BRD3: variants seen among roughly 807,000 people sequenced by gnomAD.
BRD3 encodes the protein bromodomain containing 3.
BRD3 carries 17 observed loss-of-function variants against 66.8 expected under a neutral mutation model. That is an observed-to-expected ratio of 0.25 (90% CI 0.17 to 0.38). The LOEUF is 0.38. Ranked by LOEUF, BRD3 falls within the 10% of genes least tolerant of loss-of-function variation. The pLI is 1.00. For missense variants in BRD3, 713 were observed against 956.1 expected, an observed-to-expected ratio of 0.75 and a Z score of 3.35; for synonymous variants, 421 against 393.2, an observed-to-expected ratio of 1.07 and a Z score of -0.84.
chr9:134,043,595 G>A (rs924194283), intron 7 of BRD3, among the ~76,000 whole-genome samples: 2 of 152,206 alleles, frequency 1.3e-5, no homozygotes, highest in Admixed American at 6.5e-5. Flanking sequence ...GCCCCCGCTC[G>A]GCCGACAGCC....
rs993609707 is a variant in BRD3 at position 134,051,488 on chromosome 9, A to C, written c.499+74T>G. The C allele has an allele frequency of 4.3e-6, 6 of 1,403,644 alleles. No homozygotes were observed. The African/African-American group carries it at 9.0e-5, about 21-fold the overall frequency. 86.9% of individuals were successfully genotyped at this position (1,403,644 alleles called of 1,614,324 possible). A position where few individuals can be genotyped will look rare whatever the true frequency, so the allele number is the denominator to read the frequency against. On this transcript the variant is annotated intron_variant, in intron 4 of 11. Transcript: ENST00000303407. ...GGGAAACAGCTCAGATGGCTAAAGG[A>C]TCGCGTCCCAGCCCATCCACCCGTG...
At chr9:134,067,632 T>G (rs1830695475) in intron 1 of BRD3, among the ~76,000 whole-genome samples, 1 of 144,690 alleles carries the variant, frequency 6.9e-6, no homozygotes, top group African/African-American at 2.5e-5. Context: ...AACTCCGGGC[T>G]GCGCGCCCCG....
chr9:134,051,878 T>TGTGTGTG lies in BRD3; in HGVS notation c.352-170_352-169insCACACAC, dbSNP rs372701647. 4.4e-3 allele frequency among the ~76,000 whole-genome samples: 516 copies of TGTGTGTG among 116,270 alleles called. 16 individuals are homozygous for TGTGTGTG. The highest frequency in any genetic ancestry group is 0.018 in the African/African-American group (474 of 26,832). The allele number at this position is 116,270 out of a possible 152,430, so 76.3% of individuals were successfully genotyped here. ...GTGTGTGTGTGTGTGTGTGTGTGTG[T>TGTGTGTG]TGTTTTTTTTGTTTTTTTTTTTTTT... On this transcript the variant is annotated intron_variant, in intron 3 of 11. Coordinates refer to ENST00000303407, the MANE Select transcript of BRD3 (RefSeq NM_007371.4).
At chr9:134,039,493 C>T (rs1829993993) in intron 9 of BRD3, among the ~76,000 whole-genome samples, 1 of 152,198 alleles carries the variant, frequency 6.6e-6, no homozygotes, top group Middle Eastern at 3.2e-3. Context: ...ACAGCTGTTG[C>T]CTCCCCCTTG....
chr9:134,048,007 G>A (rs1483611163), intron 6 of BRD3, 76 bp downstream of exon 6: 15 of 1,450,282 alleles, frequency 1.0e-5, no homozygotes, highest in Middle Eastern at 2.6e-4. Context: ...CCCCCACTCA[G>A]CCGGCACAAG....
rs1564550588 is a variant in BRD3, at chr9:134,042,700, CACATATATATACACAT to C, written c.1216-765_1216-750del. On this transcript the variant is annotated intron_variant, in intron 7 of 11. Coordinates refer to ENST00000303407, the MANE Select transcript of BRD3 (RefSeq NM_007371.4). ...ATATACACACACACACATATACACA[CACATATATATACACAT>C]ATATACACATATATATACACACATA... Among the ~76,000 whole-genome samples the C allele has an allele frequency of 3.4e-5, 3 of 87,340 alleles. No individual in the cohort carries two copies. The Admixed American group carries it at 3.8e-4, about 11-fold the overall frequency. The allele number at this position is 87,340 out of a possible 152,430, so 57.3% of individuals were successfully genotyped here.
chr9:134,051,469 C>G (rs1830293756), intron 4 of BRD3, 93 bp downstream of exon 4: 1 of 1,325,582 alleles, frequency 7.5e-7, no homozygotes, highest in Admixed American at 3.1e-5. Context: ...AGATGGGAAA[C>G]AGCTCAGATG....
chr9:134,032,910 G>A lies in BRD3; in HGVS notation c.*680C>T, dbSNP rs966894694. On this transcript the variant is annotated 3_prime_UTR_variant, in exon 12 of 12. Coordinates refer to ENST00000303407, the MANE Select transcript of BRD3 (RefSeq NM_007371.4). ...GTTGAGGTAAAAGCTTCAGTGTATG[G>A]AAACCTGCAGGCTGCATACACAGCC... is the stretch of plus-strand genomic sequence containing the variant. 5.5e-6 allele frequency: 2 copies of A among 362,330 alleles called. No individual in the cohort carries two copies. The highest frequency in any genetic ancestry group is 9.7e-6 in the Non-Finnish European group (2 of 205,150). 22.4% of individuals were successfully genotyped at this position (362,330 alleles called of 1,614,324 possible). A position where few individuals can be genotyped will look rare whatever the true frequency, so the allele number is the denominator to read the frequency against.
chr9:134,055,555 G>A (rs942915162), intron 1 of BRD3, among the ~76,000 whole-genome samples: 1 of 152,350 alleles, frequency 6.6e-6, no homozygotes, highest in South Asian at 2.1e-4. Flanking sequence ...TGAGGGTGGA[G>A]GAGTCAGGCA....
intron 2 of BRD3, among the ~76,000 whole-genome samples, chr9:134,052,936 C>T (rs373718818): frequency 1.3e-5 from 2 of 152,246 alleles, no homozygotes; most frequent in African/African-American, 4.8e-5. Flanking sequence ...ACCAAGCTGG[C>T]AGATGGGCCA....
intron 9 of BRD3, among the ~76,000 whole-genome samples, chr9:134,038,213 G>A (rs764877213): frequency 2.6e-5 from 4 of 152,112 alleles, no homozygotes; most frequent in African/African-American, 7.2e-5. Context: ...GGAGTGCAGT[G>A]GTGTGATCTC....
rs1055592470 is a variant in BRD3, at chr9:134,032,653, TTTC to T, written c.*934_*936del. ...TGTGAATGCATTTCTTCTGCGGTTT[TTTC>T]TTATTTTCTTTTTTTTAAAAATGAC... On this transcript the variant is annotated 3_prime_UTR_variant, in exon 12 of 12. Coordinates refer to ENST00000303407, the MANE Select transcript of BRD3 (RefSeq NM_007371.4). 5.2e-4 allele frequency: 118 copies of T among 226,526 alleles called. No individual in the cohort carries two copies. Among genetic ancestry groups the T allele is most frequent in the Non-Finnish European group, 7.9e-4 (90 of 114,054 alleles). 14.0% of individuals were successfully genotyped at this position (226,526 alleles called of 1,614,324 possible).
At position 134,032,009 on chromosome 9, in the gene BRD3, T is replaced by A; in HGVS notation, c.*1581A>T. The A allele has an allele frequency of 4.6e-6, 1 of 216,402 alleles. No individual in the cohort carries two copies. The allele number at this position is 216,402 out of a possible 1,614,324, so 13.4% of individuals were successfully genotyped here. A position where few individuals can be genotyped will look rare whatever the true frequency, so the allele number is the denominator to read the frequency against. On this transcript the variant is annotated 3_prime_UTR_variant, in exon 12 of 12. Transcript: ENST00000303407. ...CCACCCCTGGGGAGGGCAGACAGGC[T>A]CGGGAGGGCCTGGCCAGGCCACTGG...
intron 7 of BRD3, among the ~76,000 whole-genome samples, chr9:134,044,187 G>A (rs460154): frequency 0.32 from 49,236 of 152,058 alleles, 8,440 homozygotes; most frequent in East Asian, 0.63. Flanking sequence ...TCTGGATGTA[G>A]TGGGACCTCC....
Position 134,036,331 on chromosome 9 carries a change from C to A in BRD3, c.1644-7G>T. 1 of 1,595,126 alleles carries A rather than the reference C, an allele frequency of 6.3e-7. No homozygotes were observed. Among genetic ancestry groups the A allele is most frequent in the Non-Finnish European group, 8.5e-7 (1 of 1,170,226 alleles). ...GCCGCCTTTCTTCAGCTGTCTGGGG[C>A]AGGAGACAGAGCAACGTGGTGTTGA... is the stretch of plus-strand genomic sequence containing the variant. On this transcript the variant is annotated splice_region_variant and splice_polypyrimidine_tract_variant and intron_variant, in intron 9 of 11. Coordinates refer to ENST00000303407, the MANE Select transcript of BRD3 (RefSeq NM_007371.4).
chr9:134,031,957 G>T lies in BRD3; in HGVS notation c.*1633C>A. The T allele has an allele frequency of 4.6e-6, 1 of 217,492 alleles. No homozygotes were observed. The highest frequency in any genetic ancestry group is 2.2e-5 in the African/African-American group (1 of 44,500). 13.5% of individuals were successfully genotyped at this position (217,492 alleles called of 1,614,324 possible). A position where few individuals can be genotyped will look rare whatever the true frequency, so the allele number is the denominator to read the frequency against. ...GAGCACCGTGCGAGTCTCCGGGAGG[G>T]AATCCTCCTGGGGCCCAGAGACTCC... On this transcript the variant is annotated 3_prime_UTR_variant, in exon 12 of 12. Coordinates refer to ENST00000303407, the MANE Select transcript of BRD3 (RefSeq NM_007371.4).
At chr9:134,047,880 C>G (rs1424833315) in intron 6 of BRD3, 1 of 627,734 alleles carries the variant, frequency 1.6e-6, no homozygotes, top group African/African-American at 1.9e-5. Flanking sequence ...CCACAGACTC[C>G]GGGACCCACA....
chr9:134,040,039 G>C lies in BRD3; in HGVS notation c.1638C>G (p.Ala546=). The change falls in exon 9 of 12, where the codon GCC becomes GCG. Residue 546 remains alanine, a synonymous_variant. Transcript: ENST00000303407. ...PAKKANSTTT[A]GRQLKKGGKQ... The stretch of plus-strand genomic sequence containing the variant: ...CGAGCAGGTCTGGAGCCCACCTGCC[G>C]GCCGTGGTCGTGCTGTTGGCCTTCT... 1 of 1,588,582 alleles carries C rather than the reference G, an allele frequency of 6.3e-7. No homozygotes were observed. Among genetic ancestry groups the C allele is most frequent in the Non-Finnish European group, 8.5e-7 (1 of 1,170,222 alleles).
intron 10 of BRD3, among the ~76,000 whole-genome samples, chr9:134,035,509 A>C (rs1458809637): frequency 6.6e-6 from 1 of 152,172 alleles, no homozygotes; most frequent in Non-Finnish European, 1.5e-5. Context: ...ACTTCAGGGA[A>C]GCCTGGGCCG....
Sources: allele counts gnomAD v4.1 joint callset (sites outside exome capture counted in the v4.1 genomes callset), GRCh38; gene constraint gnomAD v4.1.1; transcripts MANE v1.5; gene names NCBI Gene and HGNC (gene_info 2026-07-23, HGNC 2026-07-21).